Variants in BHMT observed in about 807,000 individuals in gnomAD.
The protein encoded by BHMT is betaine--homocysteine S-methyltransferase 1.
In BHMT, 38 loss-of-function variants were observed where a neutral mutation model predicts 49.5. That is an observed-to-expected ratio of 0.77 (90% CI 0.59 to 1.01). The LOEUF (loss-of-function observed/expected upper bound fraction) is 1.01. Ranked by LOEUF, BHMT falls within the 50% of genes least tolerant of loss-of-function variation. The probability of loss-of-function intolerance (pLI) is 0.00; values close to 1 mark genes in which losing one functional copy is unlikely to be tolerated. For synonymous variants in BHMT, 166 were observed against 176.3 expected (o/e 0.94, Z 0.46); for missense variants, 426 against 495.7 (o/e 0.86, Z 1.34).
chr5:79,115,871 T>C lies in BHMT; in HGVS notation c.138T>C (p.Pro46=). The change falls in exon 2 of 8, where the codon CCT becomes CCC. Residue 46 remains proline, a synonymous_variant. Coordinates refer to ENST00000274353, the MANE Select transcript of BHMT (RefSeq NM_001713.3). ...RGYVKAGPWT[P]EAAVEHPEAV... is the part of the protein sequence containing the mutation. ...ACGTAAAGGCAGGACCCTGGACTCC[T>C]GAAGCTGCTGTGGAGCACCCAGAAG... The C allele has an allele frequency of 6.2e-7, 1 of 1,613,804 alleles. No homozygotes were observed. Among genetic ancestry groups the C allele is most frequent in the East Asian group, 2.2e-5 (1 of 44,846 alleles).
intron 1 of BHMT, 134 bp downstream of exon 1, chr5:79,112,052 C>T: frequency 9.0e-7 from 1 of 1,107,390 alleles, no homozygotes; most frequent in African/African-American, 1.7e-5. Flanking sequence ...CCTCCCTCAG[C>T]CTCAGACCAG....
intron 2 of BHMT, among the ~76,000 whole-genome samples, chr5:79,118,687 G>T (rs941907081): frequency 6.6e-6 from 1 of 152,130 alleles, no homozygotes; most frequent in African/African-American, 2.4e-5. Flanking sequence ...TCCCCCAAAT[G>T]CCATGCCTGT....
chr5:79,128,468 T>A (rs1450968248), intron 7 of BHMT, among the ~76,000 whole-genome samples: 2 of 146,772 alleles, frequency 1.4e-5, no homozygotes, highest in East Asian at 4.0e-4. Context: ...AGGCAGAGGT[T>A]GCAGTGAGCC....
intron 6 of BHMT, among the ~76,000 whole-genome samples, chr5:79,127,410 G>T (rs954060523): frequency 1.3e-5 from 2 of 152,130 alleles, no homozygotes; most frequent in Non-Finnish European, 2.9e-5. Context: ...CCAAGAAAGT[G>T]CAAGGCAGAA....
intron 5 of BHMT, among the ~76,000 whole-genome samples, chr5:79,122,530 G>T (rs928025749): frequency 2.0e-5 from 3 of 151,838 alleles, no homozygotes; most frequent in Non-Finnish European, 4.4e-5. Context: ...ATATAATGAA[G>T]TTAATTAAGC....
intron 5 of BHMT, among the ~76,000 whole-genome samples, chr5:79,122,746 C>A (rs1756490646): frequency 6.6e-6 from 1 of 151,550 alleles, no homozygotes; most frequent in Non-Finnish European, 1.5e-5. Context: ...TATATACACA[C>A]ACATATTCTG....
rs371308517 is a variant in BHMT, at chr5:79,115,939, C to T, written c.166+40C>T. The T allele has an allele frequency of 8.3e-5, 130 of 1,562,352 alleles. No individual in the cohort carries two copies. In the African/African-American group the frequency reaches 1.3e-3, roughly 15 times the overall value. On this transcript the variant is annotated intron_variant, in intron 2 of 7. Transcript: ENST00000274353. Reference sequence around the variant, plus strand: ...CTATTGTAAGTTCTCATAAAGGAGCCGGGTGTGGAGGCTCATGCCTGTAAT... The same window carrying T: ...CTATTGTAAGTTCTCATAAAGGAGCTGGGTGTGGAGGCTCATGCCTGTAAT...
chr5:79,112,026 T>A (rs1756309716), intron 1 of BHMT, 108 bp downstream of exon 1: 5 of 1,242,922 alleles, frequency 4.0e-6, no homozygotes, highest in Non-Finnish European at 5.4e-6. Flanking sequence ...GTACCCATCA[T>A]CCTCCTACTC....
At chr5:79,120,746 C>T (rs1042125259) in intron 4 of BHMT, among the ~76,000 whole-genome samples, 2 of 152,262 alleles carry the variant, frequency 1.3e-5, no homozygotes, top group African/African-American at 2.4e-5. Flanking sequence ...TTTTTGACTG[C>T]AATTTACAGT....
Position 79,119,252 on chromosome 5 carries a change from C to T in BHMT, c.167-7C>T. On this transcript the variant is annotated splice_region_variant and splice_polypyrimidine_tract_variant and intron_variant, in intron 2 of 7. Coordinates refer to ENST00000274353, the MANE Select transcript of BHMT (RefSeq NM_001713.3). ...GAAATTATACCTTTCCTCATTCACT[C>T]TCCCAGTTCGCCAGCTTCATCGAGA... The T allele has an allele frequency of 6.3e-7, 1 of 1,594,728 alleles. No individual in the cohort carries two copies.
intron 1 of BHMT, among the ~76,000 whole-genome samples, chr5:79,113,010 A>C (rs765677396): frequency 5.3e-5 from 8 of 152,180 alleles, no homozygotes; most frequent in Non-Finnish European, 8.8e-5. Context: ...GACAGTGAGA[A>C]AGGTCCAGCT....
rs1217305664 is a variant in BHMT, at chr5:79,121,212, T to C, written c.478-6T>C. On this transcript the variant is annotated splice_region_variant and splice_polypyrimidine_tract_variant and intron_variant, in intron 4 of 7. Transcript: ENST00000274353. ...TTAAAAGTACTCTAACCTTAACTGA[T>C]TCCAGTATTTTGAACACGTTGAAGA... 1 of 1,613,776 alleles carries C rather than the reference T, an allele frequency of 6.2e-7. No individual in the cohort carries two copies. Among genetic ancestry groups the C allele is most frequent in the Admixed American group, 1.7e-5 (1 of 59,990 alleles).
chr5:79,121,052 G>A (rs1406577360), intron 4 of BHMT, among the ~76,000 whole-genome samples, 166 bp from the exon 5 acceptor site: 3 of 151,978 alleles, frequency 2.0e-5, no homozygotes, highest in Non-Finnish European at 4.4e-5. Flanking sequence ...TTGGGAGGCG[G>A]AGGCAGGAGA....
Position 79,131,364 on chromosome 5 carries a change from A to T in BHMT, c.*248A>T. On this transcript the variant is annotated 3_prime_UTR_variant, in exon 8 of 8. Transcript: ENST00000274353. ...GTTCACTAAGCACCCACCCTGTGAA[A>T]AGTATTATGGAAATCACTGCTGCAC... The T allele has an allele frequency of 2.5e-6, 1 of 394,494 alleles. No individual in the cohort carries two copies. The highest frequency in any genetic ancestry group is 2.1e-5 in the African/African-American group (1 of 48,482). The allele number at this position is 394,494 out of a possible 1,614,324, so 24.4% of individuals were successfully genotyped here.
chr5:79,124,759 A>G (rs1405089400), intron 5 of BHMT, among the ~76,000 whole-genome samples: 1 of 152,364 alleles, frequency 6.6e-6, no homozygotes, highest in South Asian at 2.1e-4. Context: ...ACAATCCCAT[A>G]TAGTTGTGAG....
intron 1 of BHMT, among the ~76,000 whole-genome samples, chr5:79,114,120 T>C (rs1756349164): frequency 7.7e-6 from 1 of 129,338 alleles, no homozygotes; most frequent in African/African-American, 2.6e-5. Flanking sequence ...TATGTATACA[T>C]ATATATATTA....
At position 79,131,352 on chromosome 5, in the gene BHMT, C is replaced by T. The variant is rs1033316702; in HGVS notation, c.*236C>T. ...AATCTTGAACAGGTTCACTAAGCAC[C>T]CACCCTGTGAAAAGTATTATGGAAA... On this transcript the variant is annotated 3_prime_UTR_variant, in exon 8 of 8. Coordinates refer to ENST00000274353, the MANE Select transcript of BHMT (RefSeq NM_001713.3). The T allele has an allele frequency of 4.9e-6, 2 of 411,698 alleles. No homozygotes were observed. The highest frequency in any genetic ancestry group is 8.5e-5 in the South Asian group (2 of 23,402). 25.5% of individuals were successfully genotyped at this position (411,698 alleles called of 1,614,324 possible).
intron 5 of BHMT, among the ~76,000 whole-genome samples, chr5:79,123,348 C>A (rs1756500935): frequency 6.6e-6 from 1 of 152,194 alleles, no homozygotes; most frequent in African/African-American, 2.4e-5. Context: ...CCACTCACCA[C>A]TGGATTCCAT....
chr5:79,113,343 TCTAA>T (rs773203759), intron 1 of BHMT, among the ~76,000 whole-genome samples: 5 of 152,176 alleles, frequency 3.3e-5, no homozygotes, highest in Non-Finnish European at 5.9e-5. Context: ...GCCACGTAAG[TCTAA>T]CTTATTCCCC....
Sources: gnomAD v4.1 joint callset for allele counts (sites outside exome capture counted in the v4.1 genomes callset) on GRCh38, gnomAD v4.1.1 for gene constraint, MANE v1.5 for transcripts, NCBI Gene and HGNC (gene_info 2026-07-23, HGNC 2026-07-21) for gene names.